ADAMTS19: variants seen among roughly 807,000 people sequenced by gnomAD.
ADAMTS19 encodes ADAM metallopeptidase with thrombospondin type 1 motif 19.
A neutral mutation model predicts 153.3 loss-of-function variants in ADAMTS19; 93 were observed. The ratio of observed to expected loss-of-function variants is 0.61; its 90% CI spans 0.51 to 0.72. The LOEUF is 0.72. ADAMTS19 is among the 30% of genes least tolerant of loss of function. ADAMTS19 has a pLI of 0.00. For missense variants in ADAMTS19, 1,482 were observed against 1,552.1 expected, an observed-to-expected ratio of 0.95 and a Z score of 0.76; for synonymous variants, 600 against 556.6, an observed-to-expected ratio of 1.08 and a Z score of -1.10.
At position 129,469,765 on chromosome 5, in the gene ADAMTS19, A is replaced by G. The variant is rs192087430; in HGVS notation, c.747+8008A>G. On this transcript the variant is annotated intron_variant, in intron 2 of 22. Transcript: ENST00000274487. Reference sequence around the variant, plus strand: ...TTGTCTCAACTTTTTATCCTTTTAGAGTTCATCACAGTTATTCGATTTAGT... The same window carrying G: ...TTGTCTCAACTTTTTATCCTTTTAGGGTTCATCACAGTTATTCGATTTAGT... Among the ~76,000 whole-genome samples the G allele has an allele frequency of 3.9e-5, 6 of 152,286 alleles. No homozygotes were observed. The East Asian group carries it at 1.2e-3, about 29-fold the overall frequency.
chr5:129,488,666 T>C (rs2126684844), intron 2 of ADAMTS19, among the ~76,000 whole-genome samples: 2 of 152,234 alleles, frequency 1.3e-5, no homozygotes, highest in East Asian at 3.9e-4. Flanking sequence ...GAGTGCCCAT[T>C]ATGAAAAGTA....
chr5:129,686,455 T>C (rs531852316), intron 18 of ADAMTS19, among the ~76,000 whole-genome samples: 2 of 152,048 alleles, frequency 1.3e-5, no homozygotes, highest in East Asian at 3.9e-4. Flanking sequence ...GCTAGAAATA[T>C]AGAGGATGAT....
At chr5:129,641,424 G>T (rs1312680157) in intron 10 of ADAMTS19, among the ~76,000 whole-genome samples, 1 of 152,076 alleles carries the variant, frequency 6.6e-6, no homozygotes, top group African/African-American at 2.4e-5. Flanking sequence ...TACTAACCAT[G>T]GCATTTAAGC....
intron 2 of ADAMTS19, among the ~76,000 whole-genome samples, chr5:129,478,036 C>T (rs1750281914): frequency 6.6e-6 from 1 of 152,084 alleles, no homozygotes; most frequent in Admixed American, 6.5e-5. Flanking sequence ...AGAACCATCA[C>T]AATAATATAA....
chr5:129,596,502 G>T (rs1271265679), intron 7 of ADAMTS19, 57 bp from the exon 8 acceptor site: 27 of 1,152,368 alleles, frequency 2.3e-5, no homozygotes, highest in Non-Finnish European at 3.4e-5. Context: ...CTAATAACTA[G>T]TATAAATATT....
chr5:129,656,576 C>A (rs756541066), intron 14 of ADAMTS19, among the ~76,000 whole-genome samples: 1 of 152,198 alleles, frequency 6.6e-6, no homozygotes, highest in African/African-American at 2.4e-5. Context: ...ACCAGTGGTA[C>A]CTCAGGTACT....
At chr5:129,647,646 C>A in intron 11 of ADAMTS19, 119 bp from the exon 12 acceptor site, 1 of 1,206,164 alleles carries the variant, frequency 8.3e-7, no homozygotes, top group Non-Finnish European at 1.2e-6. Flanking sequence ...TTTCCTAATT[C>A]CCCATGTTTG....
chr5:129,615,349 G>C (rs1207934168), intron 8 of ADAMTS19, among the ~76,000 whole-genome samples: 1 of 151,984 alleles, frequency 6.6e-6, no homozygotes, highest in Non-Finnish European at 1.5e-5. Flanking sequence ...TGAATAATGA[G>C]ATAAAGAGTG....
chr5:129,608,435 T>C (rs577292234), intron 8 of ADAMTS19, among the ~76,000 whole-genome samples: 1 of 151,780 alleles, frequency 6.6e-6, no homozygotes, highest in Non-Finnish European at 1.5e-5. Context: ...ATGATGACTA[T>C]AGTTAAAGAA....
At chr5:129,577,430 T>C (rs1025444798) in intron 7 of ADAMTS19, among the ~76,000 whole-genome samples, 5 of 152,032 alleles carry the variant, frequency 3.3e-5, no homozygotes, top group Non-Finnish European at 7.4e-5. Context: ...AAAACTGATA[T>C]AGAAAAAATA....
intron 2 of ADAMTS19, among the ~76,000 whole-genome samples, chr5:129,474,785 G>A (rs1204742919): frequency 6.6e-6 from 1 of 152,118 alleles, no homozygotes; most frequent in Admixed American, 6.5e-5. Flanking sequence ...TACATTTGTG[G>A]ATGTGCAGCG....
intron 7 of ADAMTS19, among the ~76,000 whole-genome samples, chr5:129,560,108 C>G (rs1000680497): frequency 2.0e-5 from 3 of 152,120 alleles, no homozygotes; most frequent in Admixed American, 6.6e-5. Context: ...TCCCAGGATT[C>G]TGGATACCTA....
intron 7 of ADAMTS19, among the ~76,000 whole-genome samples, chr5:129,577,269 A>T (rs779954132): frequency 8.5e-5 from 13 of 152,254 alleles, no homozygotes; most frequent in Non-Finnish European, 1.9e-4. Context: ...TTATTCACCT[A>T]AATATTTTTC....
At chr5:129,676,062 C>G (rs999283945) in intron 16 of ADAMTS19, among the ~76,000 whole-genome samples, 1 of 151,792 alleles carries the variant, frequency 6.6e-6, no homozygotes, top group East Asian at 1.9e-4. Flanking sequence ...TAAAAAAAAG[C>G]CTTGGTCTAC....
At chr5:129,702,941 A>AAAAAAAATATATATATATATATATATAT in intron 20 of ADAMTS19, among the ~76,000 whole-genome samples, 1 of 29,304 alleles carries the variant, frequency 3.4e-5, no homozygotes. Context: ...AAAAAAAAAA[A>AAAAAAAATATATATATATATATATATAT]ATATATATAT....
chr5:129,702,317 G>A (rs1755906830), intron 20 of ADAMTS19, among the ~76,000 whole-genome samples: 1 of 152,108 alleles, frequency 6.6e-6, no homozygotes, highest in South Asian at 2.1e-4. Context: ...GTGAAGGTCT[G>A]GCTGCATTTA....
chr5:129,694,027 G>A (rs765760609), intron 18 of ADAMTS19, among the ~76,000 whole-genome samples: 45 of 152,150 alleles, frequency 3.0e-4, no homozygotes, highest in Non-Finnish European at 5.1e-4. Context: ...ACATGTTTAT[G>A]TGCTTTCAGA....
intron 6 of ADAMTS19, among the ~76,000 whole-genome samples, chr5:129,541,261 G>A (rs1295289871): frequency 4.6e-5 from 7 of 151,262 alleles, no homozygotes; most frequent in Non-Finnish European, 7.4e-5. Context: ...TGCCCTTGAC[G>A]ATAAGCAGTG....
At chr5:129,591,628 G>T (rs1287039619) in intron 7 of ADAMTS19, among the ~76,000 whole-genome samples, 1 of 151,778 alleles carries the variant, frequency 6.6e-6, no homozygotes, top group African/African-American at 2.4e-5. Context: ...CAGCATTTTT[G>T]CACCTTCACT....
Sources: gnomAD v4.1 joint callset for allele counts (sites outside exome capture counted in the v4.1 genomes callset) on GRCh38, gnomAD v4.1.1 for gene constraint, MANE v1.5 for transcripts, NCBI Gene and HGNC (gene_info 2026-07-23, HGNC 2026-07-21) for gene names.